The following IL15 variants were observed in gnomAD, a reference collection of about 807,000 sequenced individuals.
The protein encoded by IL15 is interleukin 15.
Under a neutral mutation model 19.6 loss-of-function variants are expected in IL15, and 11 were observed. That is an observed-to-expected ratio of 0.56 (90% confidence interval 0.35 to 0.93). The LOEUF is 0.93. IL15 is among the 40% of genes least tolerant of loss of function. The pLI, the probability that IL15 is intolerant of heterozygous loss-of-function variation, is 0.01. For synonymous variants in IL15, 58 were observed against 59.6 expected, an observed-to-expected ratio of 0.97 and a Z score of 0.12; for missense variants, 197 against 186.5, an observed-to-expected ratio of 1.06 and a Z score of -0.33.
chr4:141,667,187 C>G (rs1236955926), intron 2 of IL15, among the ~76,000 whole-genome samples: 1 of 152,128 alleles, frequency 6.6e-6, no homozygotes, highest in Non-Finnish European at 1.5e-5. Flanking sequence ...TAAAAATATC[C>G]TTTATAATAA....
chr4:141,667,179 A>C (rs1189038446), intron 2 of IL15, among the ~76,000 whole-genome samples: 2 of 152,216 alleles, frequency 1.3e-5, no homozygotes, highest in Non-Finnish European at 2.9e-5. Flanking sequence ...TGTATTTTTA[A>C]AAATATCCTT....
intron 1 of IL15, among the ~76,000 whole-genome samples, chr4:141,639,523 C>T (rs1280389681): frequency 3.3e-5 from 5 of 152,132 alleles, no homozygotes; most frequent in African/African-American, 1.2e-4. Context: ...AAATAGTAGG[C>T]AAATGTGGAT....
rs75013127 is a variant in IL15 at position 141,647,259 on chromosome 4, C to T, written c.-221-8927C>T. ...AACCATGAGAGTCAGGAAAGATAAA[C>T]ATGTTAGGAACAGATATATATTACA... On this transcript the variant is annotated intron_variant, in intron 1 of 7. Transcript: ENST00000320650. Among the ~76,000 whole-genome samples the T allele has an allele frequency of 9.7e-3, 1,478 of 152,072 alleles. 24 individuals are homozygous for T. Among genetic ancestry groups the T allele is most frequent in the African/African-American group, 0.034 (1,422 of 41,492 alleles).
At chr4:141,668,411 A>C (rs572514916) in intron 2 of IL15, among the ~76,000 whole-genome samples, 1 of 152,318 alleles carries the variant, frequency 6.6e-6, no homozygotes, top group African/African-American at 2.4e-5. Context: ...TTTGGCAGAA[A>C]CTTCTGGATT....
chr4:141,705,206 T>G (rs925068760), intron 2 of IL15, among the ~76,000 whole-genome samples: 27 of 151,964 alleles, frequency 1.8e-4, no homozygotes, highest in African/African-American at 5.3e-4. Context: ...TTTTTTGGTG[T>G]AGGCATTTAC....
In IL15 at chr4:141,732,607, A is replaced by G; in HGVS notation, c.379-131A>G. On this transcript the variant is annotated intron_variant, in intron 7 of 7. Transcript: ENST00000320650. Reference sequence around the variant, plus strand: ...TCCTCGTAGTTCTTCCTAATATGCTATTTATTTGCTAAAGCTTTCATATCT... The same window carrying G: ...TCCTCGTAGTTCTTCCTAATATGCTGTTTATTTGCTAAAGCTTTCATATCT... The G allele has an allele frequency of 5.8e-6, 7 of 1,196,978 alleles. No individual in the cohort carries two copies. In the South Asian group the frequency reaches 9.2e-5, roughly 16 times the overall value. 74.1% of individuals were successfully genotyped at this position (1,196,978 alleles called of 1,614,324 possible). A position where few individuals can be genotyped will look rare whatever the true frequency, so the allele number is the denominator to read the frequency against.
chr4:141,681,392 T>C (rs971884163), intron 2 of IL15, among the ~76,000 whole-genome samples: 2 of 152,142 alleles, frequency 1.3e-5, no homozygotes, highest in Admixed American at 1.3e-4. Flanking sequence ...AAAGGGATTC[T>C]AAACTATACA....
rs142464973 is a variant in IL15, at chr4:141,659,550, A to C, written c.-100+3243A>C. On this transcript the variant is annotated intron_variant, in intron 2 of 7. Coordinates refer to ENST00000320650, the MANE Select transcript of IL15 (RefSeq NM_000585.5). ...TAGGTATTGCTACCATTGAGGGGTT[A>C]AAAAAGAAGCAGGGGGAAATTTTGA... Among the ~76,000 whole-genome samples the C allele has an allele frequency of 9.8e-4, 149 of 152,338 alleles. 1 individual carries two copies. Among genetic ancestry groups the C allele is most frequent in the African/African-American group, 3.2e-3 (134 of 41,582 alleles).
At chr4:141,665,158 T>G (rs1275554777) in intron 2 of IL15, among the ~76,000 whole-genome samples, 2 of 152,120 alleles carry the variant, frequency 1.3e-5, no homozygotes, top group African/African-American at 2.4e-5. Flanking sequence ...TTGTTTATTA[T>G]ACATTAACTT....
At chr4:141,696,244 C>T (rs1698105106) in intron 2 of IL15, among the ~76,000 whole-genome samples, 1 of 152,030 alleles carries the variant, frequency 6.6e-6, no homozygotes, top group Admixed American at 6.6e-5. Context: ...CCGCTGTAGG[C>T]ATGTGAACTT....
rs56718878 is a variant in IL15 at position 141,686,297 on chromosome 4, AAAATAAAT to A, written c.-100+30026_-100+30033del. Among the ~76,000 whole-genome samples, 415 of 141,154 alleles carry A rather than the reference AAAATAAAT, an allele frequency of 2.9e-3. 1 individual carries two copies. The highest frequency in any genetic ancestry group is 0.021 in the Middle Eastern group (6 of 280). The allele number at this position is 141,154 out of a possible 152,430, so 92.6% of individuals were successfully genotyped here. On this transcript the variant is annotated intron_variant, in intron 2 of 7. Transcript: ENST00000320650. Reference sequence around the variant, plus strand: ...GCAACAAGAGCAAGAGTTCATCTCAAAAATAAATAAATAAATAAATAAATAAATAAATA... The same window carrying A: ...GCAACAAGAGCAAGAGTTCATCTCAAAAATAAATAAATAAATAAATAAATA...
At chr4:141,693,042 A>AAAAAAAAAAAAAAAAAAAAAAAC (rs1728973156) in intron 2 of IL15, among the ~76,000 whole-genome samples, 1 of 148,912 alleles carries the variant, frequency 6.7e-6, no homozygotes, top group Non-Finnish European at 1.5e-5. Context: ...AAAAAAAAAA[A>AAAAAAAAAAAAAAAAAAAAAAAC]GATACTACCT....
intron 2 of IL15, among the ~76,000 whole-genome samples, chr4:141,697,504 G>C (rs1001154975): frequency 1.3e-5 from 2 of 151,898 alleles, no homozygotes; most frequent in African/African-American, 2.4e-5. Context: ...TTCCTTTTTG[G>C]TTCCATATGA....
intron 1 of IL15, among the ~76,000 whole-genome samples, chr4:141,646,561 T>C (rs535355805): frequency 1.4e-4 from 22 of 152,228 alleles, no homozygotes; most frequent in African/African-American, 5.1e-4. Context: ...GTCCCAACCC[T>C]GTTTGGGAAT....
chr4:141,673,498 C>T (rs1441255635), intron 2 of IL15, among the ~76,000 whole-genome samples: 1 of 152,312 alleles, frequency 6.6e-6, no homozygotes, highest in East Asian at 1.9e-4. Context: ...CTCCTACCTA[C>T]TTTGACTATA....
intron 2 of IL15, among the ~76,000 whole-genome samples, chr4:141,709,334 A>G (rs978891413): frequency 2.0e-5 from 3 of 152,122 alleles, no homozygotes; most frequent in African/African-American, 7.2e-5. Context: ...GATGTCATGT[A>G]TCTAATCTGT....
At chr4:141,699,963 G>T (rs1729229882) in intron 2 of IL15, among the ~76,000 whole-genome samples, 1 of 152,084 alleles carries the variant, frequency 6.6e-6, no homozygotes, top group African/African-American at 2.4e-5. Flanking sequence ...TTGTCGCACA[G>T]GCTGAGGTGC....
chr4:141,659,385 T>A (rs1373877636), intron 2 of IL15, among the ~76,000 whole-genome samples: 5 of 152,048 alleles, frequency 3.3e-5, no homozygotes, highest in African/African-American at 4.8e-5. Context: ...GTATTTTTAG[T>A]AGAGACGGAG....
chr4:141,698,765 A>G (rs1729185402), intron 2 of IL15, among the ~76,000 whole-genome samples: 1 of 151,334 alleles, frequency 6.6e-6, no homozygotes, highest in African/African-American at 2.4e-5. Context: ...CATTTTGTTT[A>G]TTTTTTCAAA....
Sources: gnomAD v4.1 joint callset for allele counts (sites outside exome capture counted in the v4.1 genomes callset) on GRCh38, gnomAD v4.1.1 for gene constraint, MANE v1.5 for transcripts, NCBI Gene and HGNC (gene_info 2026-07-23, HGNC 2026-07-21) for gene names.